EFNA5: variants seen among roughly 807,000 people sequenced by gnomAD.
EFNA5 encodes the protein ephrin-A5.
A neutral mutation model predicts 22.9 loss-of-function variants in EFNA5; 5 were observed. The observed-to-expected ratio is 0.22, with a 90% confidence interval of 0.11 to 0.46. The LOEUF is 0.46. Ranked by LOEUF, EFNA5 falls within the 20% of genes least tolerant of loss-of-function variation. The pLI, the probability that EFNA5 is intolerant of heterozygous loss-of-function variation, is 0.99. For missense variants in EFNA5, 237 were observed against 293.3 expected (o/e 0.81, Z 1.40); for synonymous variants, 113 against 112.2 (o/e 1.01, Z -0.04).
chr5:107,592,524 T>C (rs1749395552), intron 1 of EFNA5, among the ~76,000 whole-genome samples: 1 of 152,160 alleles, frequency 6.6e-6, no homozygotes, highest in South Asian at 2.1e-4. Flanking sequence ...ACTAGGCTTC[T>C]AAAATTACTT....
intron 2 of EFNA5, among the ~76,000 whole-genome samples, chr5:107,399,594 G>T (rs1020855217): frequency 6.6e-6 from 1 of 152,124 alleles, no homozygotes; most frequent in Non-Finnish European, 1.5e-5. Flanking sequence ...GATAAAAGGT[G>T]GCTCTGGACA....
intron 1 of EFNA5, among the ~76,000 whole-genome samples, chr5:107,490,302 C>T (rs1328513215): frequency 1.3e-5 from 2 of 152,028 alleles, no homozygotes; most frequent in Non-Finnish European, 2.9e-5. Flanking sequence ...TCCTATGGTG[C>T]CCAGGTTAGA....
chr5:107,424,607 T>C (rs1748761764), intron 2 of EFNA5, among the ~76,000 whole-genome samples: 1 of 152,056 alleles, frequency 6.6e-6, no homozygotes, highest in Non-Finnish European at 1.5e-5. Flanking sequence ...TTCTGTAAAA[T>C]TGACTGGTGG....
chr5:107,546,653 C>CATACAT (rs56013361), intron 1 of EFNA5, among the ~76,000 whole-genome samples: 1 of 106,628 alleles, frequency 9.4e-6, no homozygotes, highest in Non-Finnish European at 1.9e-5. Context: ...GTGCGTAAAA[C>CATACAT]ACACACACAC....
intron 2 of EFNA5, among the ~76,000 whole-genome samples, chr5:107,407,697 C>T (rs1748260254): frequency 6.6e-6 from 1 of 152,130 alleles, no homozygotes; most frequent in Middle Eastern, 3.2e-3. Context: ...ATTTATGAAA[C>T]AGTTTAGTTG....
intron 1 of EFNA5, among the ~76,000 whole-genome samples, chr5:107,665,470 C>A (rs1254635708): frequency 6.6e-6 from 1 of 152,210 alleles, no homozygotes; most frequent in Non-Finnish European, 1.5e-5. Context: ...CACATGACAA[C>A]AAGATATTAG....
intron 1 of EFNA5, among the ~76,000 whole-genome samples, chr5:107,561,703 A>T (rs1332641779): frequency 6.6e-6 from 1 of 152,182 alleles, no homozygotes; most frequent in African/African-American, 2.4e-5. Flanking sequence ...AATTACAACT[A>T]TATGAATAAC....
At chr5:107,629,850 A>C (rs1750212046) in intron 1 of EFNA5, among the ~76,000 whole-genome samples, 1 of 152,052 alleles carries the variant, frequency 6.6e-6, no homozygotes, top group Non-Finnish European at 1.5e-5. Flanking sequence ...TGAGGTAAGG[A>C]GTTTGAGAAC....
At chr5:107,524,073 T>A (rs1375180357) in intron 1 of EFNA5, among the ~76,000 whole-genome samples, 2 of 152,236 alleles carry the variant, frequency 1.3e-5, no homozygotes, top group Non-Finnish European at 1.5e-5. Flanking sequence ...TTCTTCTGTT[T>A]TGTAATTCAT....
chr5:107,610,303 T>C (rs766499029), intron 1 of EFNA5, among the ~76,000 whole-genome samples: 2 of 152,236 alleles, frequency 1.3e-5, no homozygotes, highest in Admixed American at 6.5e-5. Context: ...AGGCATATCA[T>C]GAGGGGAGCA....
intron 1 of EFNA5, among the ~76,000 whole-genome samples, chr5:107,618,951 T>A (rs1238633208): frequency 6.6e-6 from 1 of 151,880 alleles, no homozygotes; most frequent in African/African-American, 2.4e-5. Flanking sequence ...AGACGGAGTC[T>A]TGCACTGTCG....
intron 2 of EFNA5, among the ~76,000 whole-genome samples, chr5:107,388,765 A>G (rs1179890785): frequency 6.6e-6 from 1 of 152,198 alleles, no homozygotes; most frequent in Admixed American, 6.5e-5. Flanking sequence ...GTTCAGAAAA[A>G]GCAGATGACA....
intron 1 of EFNA5, among the ~76,000 whole-genome samples, chr5:107,470,088 A>G (rs187730444): frequency 6.6e-6 from 1 of 152,192 alleles, no homozygotes; most frequent in Non-Finnish European, 1.5e-5. Context: ...TGAGATTCTC[A>G]GTCTAAAATT....
chr5:107,417,559 T>TA (rs1294531190), intron 2 of EFNA5, among the ~76,000 whole-genome samples: 1 of 152,164 alleles, frequency 6.6e-6, no homozygotes, highest in Admixed American at 6.6e-5. Flanking sequence ...TAATGAATGA[T>TA]AATGCCTCGT....
At chr5:107,505,245 C>A (rs1428427361) in intron 1 of EFNA5, among the ~76,000 whole-genome samples, 1 of 152,094 alleles carries the variant, frequency 6.6e-6, no homozygotes, top group Non-Finnish European at 1.5e-5. Context: ...ATATGAATGG[C>A]AATTTCAAAT....
rs10037920 is a variant in EFNA5, at chr5:107,573,826, C to A, written c.125+96663G>T. Among the ~76,000 whole-genome samples, 1,195 of 152,254 alleles carry A rather than the reference C, an allele frequency of 7.8e-3. 21 individuals are homozygous for A. Among genetic ancestry groups the A allele is most frequent in the African/African-American group, 0.026 (1,089 of 41,538 alleles). On this transcript the variant is annotated intron_variant, in intron 1 of 4. Transcript: ENST00000333274. ...TAGAACGAACAAAATCAATCTGCAC[C>A]AGTTTTGGGAATAAGCTTCTGCTGT...
intron 1 of EFNA5, among the ~76,000 whole-genome samples, chr5:107,645,611 C>G (rs1750617660): frequency 6.6e-6 from 1 of 152,190 alleles, no homozygotes; most frequent in African/African-American, 2.4e-5. Flanking sequence ...ATTCTCACTT[C>G]AGAAAGATTG....
At chr5:107,474,390 AT>A (rs1446216468) in intron 1 of EFNA5, among the ~76,000 whole-genome samples, 2 of 152,046 alleles carry the variant, frequency 1.3e-5, no homozygotes, top group Non-Finnish European at 2.9e-5. Flanking sequence ...ATTGTTTTCC[AT>A]TTTAAGAAAT....
intron 1 of EFNA5, among the ~76,000 whole-genome samples, chr5:107,445,627 G>T (rs377639305): frequency 6.6e-6 from 1 of 152,118 alleles, no homozygotes; most frequent in African/African-American, 2.4e-5. Flanking sequence ...AGGGATGTTC[G>T]ACAGAGGCAG....
Sources: allele counts gnomAD v4.1 joint callset (sites outside exome capture counted in the v4.1 genomes callset), GRCh38; gene constraint gnomAD v4.1.1; transcripts MANE v1.5; gene names NCBI Gene and HGNC (gene_info 2026-07-23, HGNC 2026-07-21).